CTNNA3: variants seen among roughly 807,000 people sequenced by gnomAD.
CTNNA3 encodes the protein catenin alpha 3, also known as catenin alpha-3.
Under a neutral mutation model 95.7 loss-of-function variants are expected in CTNNA3, and 76 were observed. The observed-to-expected ratio is 0.79, with a 90% CI of 0.66 to 0.96. CTNNA3 has a LOEUF of 0.96. Among genes scored for constraint, CTNNA3 ranks in the 40% least tolerant of loss-of-function variants. CTNNA3 has a pLI of 0.00. For synonymous variants in CTNNA3, 431 were observed against 374.4 expected, an observed-to-expected ratio of 1.15 and a Z score of -1.74; for missense variants, 1,191 against 1,089.8, an observed-to-expected ratio of 1.09 and a Z score of -1.31.
intron 7 of CTNNA3, among the ~76,000 whole-genome samples, chr10:66,814,363 A>C (rs147944649): frequency 2.0e-5 from 3 of 152,290 alleles, no homozygotes; most frequent in African/African-American, 7.2e-5. Context: ...AATAAGAACC[A>C]GAAATTTCCT....
intron 7 of CTNNA3, among the ~76,000 whole-genome samples, chr10:67,020,098 C>T (rs952429381): frequency 2.0e-5 from 3 of 152,252 alleles, no homozygotes; most frequent in South Asian, 4.1e-4. Flanking sequence ...AGTCCCAAAT[C>T]GCCTTACAAT....
intron 5 of CTNNA3, among the ~76,000 whole-genome samples, chr10:67,397,730 T>C (rs1393022886): frequency 6.6e-6 from 1 of 152,206 alleles, no homozygotes; most frequent in Non-Finnish European, 1.5e-5. Context: ...AATAATGATT[T>C]CATGGGCAGA....
intron 3 of CTNNA3, among the ~76,000 whole-genome samples, chr10:67,592,598 A>G (rs1021896037): frequency 1.3e-5 from 2 of 152,216 alleles, no homozygotes; most frequent in African/African-American, 4.8e-5. Context: ...AGTAGCAACA[A>G]TGGAATCCAG....
chr10:65,989,474 T>G (rs2133328740), intron 15 of CTNNA3, among the ~76,000 whole-genome samples: 1 of 152,286 alleles, frequency 6.6e-6, no homozygotes, highest in South Asian at 2.1e-4. Context: ...GAGAGAATCA[T>G]AATATTTTGG....
intron 12 of CTNNA3, among the ~76,000 whole-genome samples, chr10:66,287,912 A>G (rs1355792078): frequency 6.6e-6 from 1 of 152,086 alleles, no homozygotes. Flanking sequence ...AAAGCAGTAT[A>G]AGGAATACCC....
At chr10:66,121,567 T>C (rs1038854781) in intron 13 of CTNNA3, among the ~76,000 whole-genome samples, 2 of 152,136 alleles carry the variant, frequency 1.3e-5, no homozygotes, top group Non-Finnish European at 2.9e-5. Context: ...AAAAAAGTTG[T>C]AGCCAGGTGC....
chr10:66,618,914 A>G (rs1844634329), intron 10 of CTNNA3, among the ~76,000 whole-genome samples: 1 of 152,220 alleles, frequency 6.6e-6, no homozygotes, highest in Non-Finnish European at 1.5e-5. Flanking sequence ...ATGAACAGAC[A>G]CTTCCCAAAA....
intron 5 of CTNNA3, among the ~76,000 whole-genome samples, chr10:67,263,423 A>G (rs540352795): frequency 9.2e-5 from 14 of 152,322 alleles, no homozygotes; most frequent in South Asian, 6.2e-4. Context: ...GATTTGTGGC[A>G]TGAAGAATTG....
At chr10:66,117,894 AG>A in intron 13 of CTNNA3, among the ~76,000 whole-genome samples, 1 of 152,282 alleles carries the variant, frequency 6.6e-6, no homozygotes, top group Middle Eastern at 3.4e-3. Context: ...GTGGATATAC[AG>A]TGTGAAGTCT....
chr10:66,831,653 AC>A (rs767114548), intron 7 of CTNNA3, among the ~76,000 whole-genome samples: 1 of 152,162 alleles, frequency 6.6e-6, no homozygotes, highest in Non-Finnish European at 1.5e-5. Context: ...TACCTAGCAC[AC>A]AGTAGCAATT....
intron 16 of CTNNA3, among the ~76,000 whole-genome samples, chr10:65,980,300 C>T (rs2133299392): frequency 6.6e-6 from 1 of 151,888 alleles, no homozygotes; most frequent in African/African-American, 2.4e-5. Context: ...CTGAACAGGT[C>T]AATAATATGC....
chr10:66,458,084 T>C (rs1244273834), intron 11 of CTNNA3, among the ~76,000 whole-genome samples: 2 of 152,184 alleles, frequency 1.3e-5, no homozygotes, highest in Non-Finnish European at 2.9e-5. Context: ...AAGATGTTTA[T>C]CATAAGCCCA....
intron 7 of CTNNA3, among the ~76,000 whole-genome samples, chr10:67,027,436 C>CTTTTTT (rs5785811): frequency 1.5e-5 from 2 of 134,358 alleles, no homozygotes; most frequent in Non-Finnish European, 3.1e-5. Context: ...TCTTTCATGA[C>CTTTTTT]TTTTTTTTTT....
At chr10:66,990,653 T>G (rs962441081) in intron 7 of CTNNA3, among the ~76,000 whole-genome samples, 1 of 152,104 alleles carries the variant, frequency 6.6e-6, no homozygotes, top group African/African-American at 2.4e-5. Context: ...GTGGACCAGA[T>G]AAGTGTCCTT....
chr10:67,229,249 C>T (rs1301735833), intron 5 of CTNNA3, among the ~76,000 whole-genome samples: 7 of 152,106 alleles, frequency 4.6e-5, no homozygotes, highest in Admixed American at 4.6e-4. Flanking sequence ...GCAGAAAAAG[C>T]ATTTGACAAA....
At chr10:66,632,294 C>G (rs1337484899) in intron 9 of CTNNA3, among the ~76,000 whole-genome samples, 2 of 151,998 alleles carry the variant, frequency 1.3e-5, no homozygotes, top group Non-Finnish European at 2.9e-5. Context: ...TGGCTCACGT[C>G]TGTAATCCCG....
At chr10:66,685,465 C>T (rs1435617271) in intron 9 of CTNNA3, among the ~76,000 whole-genome samples, 5 of 139,326 alleles carry the variant, frequency 3.6e-5, no homozygotes, top group Non-Finnish European at 6.1e-5. Context: ...CTCCACCTCC[C>T]GGGTTCTCGC....
intron 7 of CTNNA3, among the ~76,000 whole-genome samples, chr10:66,874,674 T>G (rs1019908326): frequency 6.6e-6 from 1 of 152,226 alleles, no homozygotes; most frequent in African/African-American, 2.4e-5. Flanking sequence ...TGTTTTCTCT[T>G]TAAACTGAAT....
At chr10:66,435,056 A>T (rs188148328) in intron 11 of CTNNA3, among the ~76,000 whole-genome samples, 17,795 of 151,916 alleles carry the variant, frequency 0.12, 1,504 homozygotes, top group African/African-American at 0.24. Context: ...CCAGTATTTT[A>T]TTGAGAATTT....
Sources: allele counts gnomAD v4.1 joint callset (sites outside exome capture counted in the v4.1 genomes callset), GRCh38; gene constraint gnomAD v4.1.1; transcripts MANE v1.5; gene names NCBI Gene and HGNC (gene_info 2026-07-23, HGNC 2026-07-21).